The following PLA2G4A variants were observed in gnomAD, a reference collection of about 807,000 sequenced individuals.
PLA2G4A encodes the protein cytosolic phospholipase A2.
PLA2G4A carries 40 observed loss-of-function variants against 81.9 expected under a neutral mutation model. That is an observed-to-expected ratio of 0.49 (90% confidence interval 0.38 to 0.64). PLA2G4A has a LOEUF of 0.64. Among genes scored for constraint, PLA2G4A ranks in the 30% least tolerant of loss-of-function variants. The pLI, the probability that PLA2G4A is intolerant of heterozygous loss-of-function variation, is 0.00. For synonymous variants in PLA2G4A, 302 were observed against 296.9 expected, an observed-to-expected ratio of 1.02 and a Z score of -0.18; for missense variants, 715 against 905.1, an observed-to-expected ratio of 0.79 and a Z score of 2.69.
intron 5 of PLA2G4A, among the ~76,000 whole-genome samples, chr1:186,901,945 T>A (rs1571382753): frequency 1.3e-5 from 2 of 152,354 alleles, no homozygotes; most frequent in South Asian, 4.1e-4. Context: ...TATGTGTAGC[T>A]ATATGTTGCT....
intron 13 of PLA2G4A, among the ~76,000 whole-genome samples, chr1:186,954,564 T>G (rs1656676043): frequency 6.6e-6 from 1 of 152,156 alleles, no homozygotes; most frequent in African/African-American, 2.4e-5. Flanking sequence ...ATTGTGCACA[T>G]GTACCCTATA....
chr1:186,926,256 C>T (rs781325536), intron 7 of PLA2G4A, among the ~76,000 whole-genome samples: 4 of 152,126 alleles, frequency 2.6e-5, no homozygotes, highest in African/African-American at 4.8e-5. Flanking sequence ...CATGTTCATA[C>T]GAATGACAGT....
chr1:186,887,751 C>G (rs1653986151), intron 3 of PLA2G4A, among the ~76,000 whole-genome samples: 1 of 152,066 alleles, frequency 6.6e-6, no homozygotes, highest in Admixed American at 6.6e-5. Context: ...TAATTCATTC[C>G]TTGAAACTTC....
At chr1:186,871,565 C>CT (rs1653270107) in intron 3 of PLA2G4A, among the ~76,000 whole-genome samples, 1 of 152,018 alleles carries the variant, frequency 6.6e-6, no homozygotes, top group African/African-American at 2.4e-5. Flanking sequence ...GCAAGAAGTC[C>CT]TAGGCAGAGA....
chr1:186,919,118 C>G (rs1245903181), intron 7 of PLA2G4A, among the ~76,000 whole-genome samples: 5 of 152,234 alleles, frequency 3.3e-5, no homozygotes, highest in Admixed American at 6.5e-5. Context: ...CTGGGGCCGA[C>G]ATAAGTTTTT....
At chr1:186,855,623 A>G (rs573469526) in intron 2 of PLA2G4A, among the ~76,000 whole-genome samples, 1 of 152,044 alleles carries the variant, frequency 6.6e-6, no homozygotes, top group East Asian at 1.9e-4. Context: ...TTTGACCTTC[A>G]TATACATTTC....
At chr1:186,927,394 C>T (rs567363408) in intron 7 of PLA2G4A, among the ~76,000 whole-genome samples, 5 of 152,260 alleles carry the variant, frequency 3.3e-5, no homozygotes, top group Admixed American at 3.3e-4. Flanking sequence ...ACTTTTTAAA[C>T]TTTTCTTGTT....
chr1:186,966,136 AAAAG>A, intron 15 of PLA2G4A, among the ~76,000 whole-genome samples: 1 of 150,970 alleles, frequency 6.6e-6, no homozygotes, highest in East Asian at 1.9e-4. Context: ...AAAAAAAAAA[AAAAG>A]ACATCATTTC....
intron 14 of PLA2G4A, among the ~76,000 whole-genome samples, chr1:186,958,590 T>C (rs1386921732): frequency 6.6e-6 from 1 of 152,214 alleles, no homozygotes; most frequent in Admixed American, 6.5e-5. Flanking sequence ...AGAGCTGAGA[T>C]TGGGACACAG....
At chr1:186,973,939 G>A (rs756552530) in intron 15 of PLA2G4A, among the ~76,000 whole-genome samples, 12 of 151,880 alleles carry the variant, frequency 7.9e-5, no homozygotes, top group Non-Finnish European at 7.4e-5. Flanking sequence ...CTTAAAAATA[G>A]GTTTTATGTA....
At chr1:186,866,726 T>A (rs941586539) in intron 2 of PLA2G4A, among the ~76,000 whole-genome samples, 3 of 152,102 alleles carry the variant, frequency 2.0e-5, no homozygotes, top group African/African-American at 7.2e-5. Context: ...CCATGTAATA[T>A]TAGAAGTTCT....
At chr1:186,887,697 T>C (rs1387252741) in intron 3 of PLA2G4A, among the ~76,000 whole-genome samples, 3 of 152,174 alleles carry the variant, frequency 2.0e-5, no homozygotes, top group Admixed American at 2.0e-4. Flanking sequence ...ATGAAATAAG[T>C]ATAATGTACA....
At chr1:186,901,369 T>G (rs2102131766) in intron 5 of PLA2G4A, among the ~76,000 whole-genome samples, 1 of 152,310 alleles carries the variant, frequency 6.6e-6, no homozygotes, top group East Asian at 1.9e-4. Context: ...TCTTGCATTC[T>G]TGGGATTCCT....
chr1:186,882,108 A>C (rs1163286275), intron 3 of PLA2G4A, among the ~76,000 whole-genome samples: 4 of 152,154 alleles, frequency 2.6e-5, no homozygotes, highest in African/African-American at 9.7e-5. Flanking sequence ...TCTGAGTCTC[A>C]ATTTCTTCAC....
chr1:186,896,425 G>A (rs191917069), intron 5 of PLA2G4A, among the ~76,000 whole-genome samples: 1 of 152,304 alleles, frequency 6.6e-6, no homozygotes, highest in Non-Finnish European at 1.5e-5. Flanking sequence ...CCATTTTGCT[G>A]AATCATAGGG....
At chr1:186,963,023 C>T (rs1324882701) in intron 14 of PLA2G4A, among the ~76,000 whole-genome samples, 1 of 152,090 alleles carries the variant, frequency 6.6e-6, no homozygotes, top group Non-Finnish European at 1.5e-5. Flanking sequence ...AAAATGGCTA[C>T]CTCCTTTGTA....
At chr1:186,937,253 A>AGAGAGAGAGAG (rs67366503) in intron 8 of PLA2G4A, among the ~76,000 whole-genome samples, 13 of 149,234 alleles carry the variant, frequency 8.7e-5, no homozygotes, top group Admixed American at 6.7e-5. Flanking sequence ...GAGACGGGAA[A>AGAGAGAGAGAG]AGAGAGAGAG....
At chr1:186,968,310 T>G (rs975223356) in intron 15 of PLA2G4A, among the ~76,000 whole-genome samples, 1 of 152,050 alleles carries the variant, frequency 6.6e-6, no homozygotes, top group Non-Finnish European at 1.5e-5. Context: ...ACTTGTAAAA[T>G]GTATGAACAT....
intron 1 of PLA2G4A, among the ~76,000 whole-genome samples, chr1:186,853,814 T>C (rs1201701164): frequency 1.3e-5 from 2 of 151,972 alleles, no homozygotes; most frequent in Non-Finnish European, 2.9e-5. Flanking sequence ...ATGTCATTAC[T>C]AAAGTTCAAA....
Sources: gnomAD v4.1 joint callset for allele counts (sites outside exome capture counted in the v4.1 genomes callset) on GRCh38, gnomAD v4.1.1 for gene constraint, MANE v1.5 for transcripts, NCBI Gene and HGNC (gene_info 2026-07-23, HGNC 2026-07-21) for gene names.